GALNT17: variants seen among roughly 807,000 people sequenced by gnomAD.
GALNT17 encodes UDP-GalNAc:polypeptide N-acetylgalactosaminyltransferase-like 3.
In GALNT17, 29 loss-of-function variants were observed where a neutral mutation model predicts 63.7. The observed-to-expected ratio is 0.46, with a 90% CI of 0.34 to 0.62. The LOEUF is 0.62. Ranked by LOEUF, GALNT17 falls within the 20% of genes least tolerant of loss-of-function variation. The pLI is 0.01. For missense variants in GALNT17, 603 were observed against 799.6 expected, an observed-to-expected ratio of 0.75 and a Z score of 2.97; for synonymous variants, 305 against 318.3, an observed-to-expected ratio of 0.96 and a Z score of 0.45.
At chr7:71,232,756 G>A (rs557334868) in intron 1 of GALNT17, among the ~76,000 whole-genome samples, 5 of 152,204 alleles carry the variant, frequency 3.3e-5, no homozygotes, top group South Asian at 2.1e-4. Flanking sequence ...TTAATTACAC[G>A]CAAATTAAGG....
At chr7:71,702,079 G>T (rs945464702) in intron 9 of GALNT17, among the ~76,000 whole-genome samples, 1 of 151,666 alleles carries the variant, frequency 6.6e-6, no homozygotes, top group Non-Finnish European at 1.5e-5. Context: ...ATAAGTGGGA[G>T]CTAAACATTG....
chr7:71,444,724 G>A (rs182948906), intron 5 of GALNT17, among the ~76,000 whole-genome samples: 1 of 152,236 alleles, frequency 6.6e-6, no homozygotes, highest in Admixed American at 6.5e-5. Flanking sequence ...CTACTCAGGA[G>A]GCTGAGGCAA....
At chr7:71,468,715 C>T (rs1442532062) in intron 5 of GALNT17, among the ~76,000 whole-genome samples, 1 of 152,022 alleles carries the variant, frequency 6.6e-6, no homozygotes, top group Non-Finnish European at 1.5e-5. Context: ...CTGTGCCCGG[C>T]CCTAGGCTCC....
intron 1 of GALNT17, among the ~76,000 whole-genome samples, chr7:71,151,191 C>A (rs1788126473): frequency 6.6e-6 from 1 of 152,162 alleles, no homozygotes; most frequent in Non-Finnish European, 1.5e-5. Context: ...TGTCTACTCT[C>A]CTTTTCTGCC....
At chr7:71,330,485 A>G (rs1336586949) in intron 1 of GALNT17, among the ~76,000 whole-genome samples, 1 of 151,908 alleles carries the variant, frequency 6.6e-6, no homozygotes, top group Non-Finnish European at 1.5e-5. Context: ...GCAGGCTTGA[A>G]CTCCTGAGCT....
Position 71,666,866 on chromosome 7 carries a change from G to A in GALNT17, c.1266+1270G>A, listed in dbSNP as rs142003673. Among the ~76,000 whole-genome samples, 306 of 152,300 alleles carry A rather than the reference G, an allele frequency of 2.0e-3. 3 individuals carry two copies. Among genetic ancestry groups the A allele is most frequent in the African/African-American group, 7.1e-3 (294 of 41,554 alleles). ...AAAAAATATTTTCAGTCTGCAGTTG[G>A]TTGAACCGATGGATGCAGAAACCAT... On this transcript the variant is annotated intron_variant, in intron 7 of 10. Transcript: ENST00000333538.
intron 5 of GALNT17, among the ~76,000 whole-genome samples, chr7:71,425,366 G>T (rs1017485696): frequency 1.3e-5 from 2 of 152,058 alleles, no homozygotes; most frequent in African/African-American, 4.8e-5. Flanking sequence ...GCGACTACAG[G>T]TGCATGCCAC....
At chr7:71,172,031 T>G (rs187029560) in intron 1 of GALNT17, among the ~76,000 whole-genome samples, 1 of 152,132 alleles carries the variant, frequency 6.6e-6, no homozygotes, top group Non-Finnish European at 1.5e-5. Flanking sequence ...GGGGTGGTAA[T>G]GTGAGAGGGA....
chr7:71,271,817 TG>T (rs1790593494), intron 1 of GALNT17, among the ~76,000 whole-genome samples: 2 of 152,192 alleles, frequency 1.3e-5, no homozygotes, highest in Non-Finnish European at 2.9e-5. Context: ...TGGAGTGCAG[TG>T]GCACGATCAC....
intron 1 of GALNT17, among the ~76,000 whole-genome samples, chr7:71,141,388 AG>A (rs1268109600): frequency 1.3e-5 from 2 of 151,870 alleles, no homozygotes; most frequent in African/African-American, 4.8e-5. Flanking sequence ...AAAAAAGAAA[AG>A]AAAAAAAAAA....
intron 5 of GALNT17, among the ~76,000 whole-genome samples, chr7:71,559,179 G>T (rs1321561532): frequency 6.6e-6 from 1 of 152,172 alleles, no homozygotes; most frequent in East Asian, 1.9e-4. Flanking sequence ...TGTCCTTTTG[G>T]TATTTATATG....
chr7:71,309,628 A>G (rs188088450), intron 1 of GALNT17, among the ~76,000 whole-genome samples: 3 of 152,260 alleles, frequency 2.0e-5, no homozygotes, highest in African/African-American at 7.2e-5. Context: ...ATAGTATTCA[A>G]GTTACATACT....
At chr7:71,596,142 A>G (rs1478230508) in intron 6 of GALNT17, among the ~76,000 whole-genome samples, 1 of 152,038 alleles carries the variant, frequency 6.6e-6, no homozygotes, top group Non-Finnish European at 1.5e-5. Flanking sequence ...GGGTTCAAGC[A>G]ATTCTCCTGC....
intron 9 of GALNT17, among the ~76,000 whole-genome samples, chr7:71,695,950 ACT>A (rs1791534325): frequency 6.6e-6 from 1 of 152,142 alleles, no homozygotes; most frequent in African/African-American, 2.4e-5. Flanking sequence ...TAAAGGAGAA[ACT>A]CTGTCAATTT....
intron 6 of GALNT17, among the ~76,000 whole-genome samples, chr7:71,621,156 C>G (rs1790282874): frequency 6.6e-6 from 1 of 152,084 alleles, no homozygotes; most frequent in African/African-American, 2.4e-5. Flanking sequence ...TTTAGCCACT[C>G]AGCTATTAAT....
intron 5 of GALNT17, among the ~76,000 whole-genome samples, chr7:71,454,732 A>G (rs1277534600): frequency 6.6e-6 from 1 of 152,188 alleles, no homozygotes; most frequent in Non-Finnish European, 1.5e-5. Context: ...CATGAGTTGC[A>G]TGTACAAAAA....
At chr7:71,377,142 A>T (rs1307738108) in intron 2 of GALNT17, among the ~76,000 whole-genome samples, 5 of 125,276 alleles carry the variant, frequency 4.0e-5, no homozygotes, top group East Asian at 4.7e-4. Flanking sequence ...TATATATATA[A>T]AATCTCCTTC....
chr7:71,171,501 C>T (rs1447752936), intron 1 of GALNT17, among the ~76,000 whole-genome samples: 1 of 152,062 alleles, frequency 6.6e-6, no homozygotes, highest in Non-Finnish European at 1.5e-5. Context: ...ACCCTGTCTC[C>T]AAAAACCAAA....
chr7:71,659,705 T>C (rs1201583111), intron 6 of GALNT17, among the ~76,000 whole-genome samples: 1 of 152,236 alleles, frequency 6.6e-6, no homozygotes, highest in Non-Finnish European at 1.5e-5. Flanking sequence ...AGCCTTTTTA[T>C]AGGAAGAGCA....
Sources: allele counts gnomAD v4.1 joint callset (sites outside exome capture counted in the v4.1 genomes callset), GRCh38; gene constraint gnomAD v4.1.1; transcripts MANE v1.5; gene names NCBI Gene and HGNC (gene_info 2026-07-23, HGNC 2026-07-21).